Variants in ADORA2B observed in about 807,000 individuals in gnomAD.
ADORA2B encodes the protein adenosine A2b receptor.
In ADORA2B, 18 loss-of-function variants were observed where a neutral mutation model predicts 20.8. That is an observed-to-expected ratio of 0.87 (90% CI 0.60 to 1.29). The LOEUF (loss-of-function observed/expected upper bound fraction) is 1.29. Ranked by LOEUF, ADORA2B falls within the 50% of genes most tolerant of loss-of-function variation. ADORA2B has a pLI of 0.00. For missense variants in ADORA2B, 441 were observed against 422.7 expected (o/e 1.04, Z -0.38); for synonymous variants, 179 against 178.3 (o/e 1.00, Z -0.03).
chr17:15,975,344 C>A lies in ADORA2B; in HGVS notation c.*2C>A. On this transcript the variant is annotated 3_prime_UTR_variant, in exon 2 of 2. Transcript: ENST00000304222. ...CCTGCTCTCGGTGTGGGCCTATGAT[C>A]TAGGCTCTCGCCTCTTCCAGGAGAA... The A allele has an allele frequency of 6.2e-7, 1 of 1,607,538 alleles. No individual in the cohort carries two copies. Among genetic ancestry groups the A allele is most frequent in the Non-Finnish European group, 8.5e-7 (1 of 1,177,848 alleles).
the ADORA2B span, among the ~76,000 whole-genome samples, chr17:15,928,900 C>T: frequency 6.6e-6 from 1 of 151,760 alleles, no homozygotes; most frequent in African/African-American, 2.4e-5. Context: ...AAGCAGGGCT[C>T]GAGGGTGATG....
Position 15,955,950 on chromosome 17 carries a change from C to T in ADORA2B, c.335+10367C>T, listed in dbSNP as rs534443171. Among the ~76,000 whole-genome samples the T allele has an allele frequency of 2.2e-3, 333 of 152,196 alleles. 1 individual carries two copies. Among genetic ancestry groups the T allele is most frequent in the Non-Finnish European group, 4.0e-3 (271 of 68,016 alleles). On this transcript the variant is annotated intron_variant, in intron 1 of 1. Transcript: ENST00000304222. ...GGCCAGGCTGGTGTCGAACTCCTGA[C>T]CTCAAGCGATCTGCCTGCCTCGGCC... is the stretch of plus-strand genomic sequence containing the variant.
At chr17:15,943,907 G>A (rs1159415663), upstream of ADORA2B, among the ~76,000 whole-genome samples, 1 of 152,170 alleles carries the variant, frequency 6.6e-6, no homozygotes, top group Non-Finnish European at 1.5e-5. Context: ...AGGCTTTCGG[G>A]TGGTGAAATA....
At chr17:15,973,186 A>G (rs935002849) in intron 1 of ADORA2B, among the ~76,000 whole-genome samples, 5 of 152,068 alleles carry the variant, frequency 3.3e-5, no homozygotes, top group Admixed American at 1.3e-4. Context: ...AGCCAGAAAG[A>G]TCCTTGCCTG....
chr17:15,974,661 T>C lies in ADORA2B; in HGVS notation c.336-18T>C. 6.2e-7 allele frequency: 1 copy of C among 1,603,382 alleles called. No homozygotes were observed. On this transcript the variant is annotated intron_variant, in intron 1 of 1. Transcript: ENST00000304222. Reference sequence around the variant, plus strand: ...AGCGCTATAAACTGACCGTAACAGATGGTATTCTTTTAAACAGGTATAAAA... The same window carrying C: ...AGCGCTATAAACTGACCGTAACAGACGGTATTCTTTTAAACAGGTATAAAA...
chr17:15,938,230 G>T, the ADORA2B span, among the ~76,000 whole-genome samples: 3 of 152,068 alleles, frequency 2.0e-5, no homozygotes, highest in African/African-American at 7.2e-5. Flanking sequence ...GGAAGGAAAG[G>T]AAAGGAAGGA....
At chr17:15,957,381 G>A (rs1047276624) in intron 1 of ADORA2B, among the ~76,000 whole-genome samples, 1 of 152,192 alleles carries the variant, frequency 6.6e-6, no homozygotes, top group Admixed American at 6.5e-5. Flanking sequence ...CCATTGTGGA[G>A]CAGTAATGAG....
the ADORA2B span, among the ~76,000 whole-genome samples, chr17:15,912,605 A>G: frequency 2.0e-5 from 3 of 152,222 alleles, no homozygotes; most frequent in African/African-American, 4.8e-5. Context: ...TGACAAGAGA[A>G]GCTGTGTCCA....
intron 1 of ADORA2B, chr17:15,974,281 T>C (rs1052916568): frequency 5.8e-6 from 1 of 171,128 alleles, no homozygotes; most frequent in Non-Finnish European, 1.3e-5. Flanking sequence ...ATTTAAAATA[T>C]GTAAGGAGGC....
the ADORA2B span, among the ~76,000 whole-genome samples, chr17:15,890,135 A>C: frequency 3.1e-5 from 4 of 129,602 alleles, 1 homozygote; most frequent in Admixed American, 3.1e-4. Flanking sequence ...CCATCAACCG[A>C]TATAAGACTA....
intron 1 of ADORA2B, among the ~76,000 whole-genome samples, chr17:15,958,004 G>A (rs1313367942): frequency 1.3e-5 from 2 of 150,318 alleles, no homozygotes; most frequent in Admixed American, 1.3e-4. Flanking sequence ...ACCAGGACCT[G>A]TCAGGTACAC....
the ADORA2B span, among the ~76,000 whole-genome samples, chr17:15,909,468 G>A: frequency 1.3e-5 from 2 of 152,198 alleles, no homozygotes; most frequent in Non-Finnish European, 2.9e-5. Flanking sequence ...GGGAGGCCCT[G>A]GCTGCTTTGC....
At chr17:15,868,095 CAT>C in the ADORA2B span, among the ~76,000 whole-genome samples, 2 of 145,140 alleles carry the variant, frequency 1.4e-5, no homozygotes, top group Admixed American at 1.4e-4. Context: ...CTCTCTGAAA[CAT>C]GTGCTGTGTC....
chr17:15,945,159 C>T lies in ADORA2B; in HGVS notation c.-90C>T, dbSNP rs2151590172. The T allele has an allele frequency of 8.7e-7, 1 of 1,151,390 alleles. No homozygotes were observed. The highest frequency in any genetic ancestry group is 1.1e-6 in the Non-Finnish European group (1 of 889,208). 71.3% of individuals were successfully genotyped at this position (1,151,390 alleles called of 1,614,324 possible). On this transcript the variant is annotated 5_prime_UTR_variant, in exon 1 of 2. Coordinates refer to ENST00000304222, the MANE Select transcript of ADORA2B (RefSeq NM_000676.4). ...GCGGCAGGCGGAGGCGCGGTCCGGGCGCTATGGCCATGCCCGGCGGGTCTC... is the reference window on the plus strand; with the variant it reads ...GCGGCAGGCGGAGGCGCGGTCCGGGTGCTATGGCCATGCCCGGCGGGTCTC...
At chr17:15,871,570 A>T in the ADORA2B span, among the ~76,000 whole-genome samples, 2 of 152,188 alleles carry the variant, frequency 1.3e-5, no homozygotes, top group African/African-American at 2.4e-5. Context: ...CGGTTCTGAA[A>T]CTGTTTGTGC....
chr17:15,966,914 C>T (rs1413210535), intron 1 of ADORA2B, among the ~76,000 whole-genome samples: 1 of 152,252 alleles, frequency 6.6e-6, no homozygotes, highest in Non-Finnish European at 1.5e-5. Flanking sequence ...TCAGTGACCT[C>T]TGCAGCAGAG....
chr17:15,966,956 A>G (rs1026385550), intron 1 of ADORA2B, among the ~76,000 whole-genome samples: 2 of 152,186 alleles, frequency 1.3e-5, no homozygotes, highest in African/African-American at 4.8e-5. Context: ...GAACGGAAGG[A>G]CGGAAGGACG....
chr17:15,937,176 C>T, the ADORA2B span, among the ~76,000 whole-genome samples: 1 of 152,180 alleles, frequency 6.6e-6, no homozygotes, highest in Non-Finnish European at 1.5e-5. Context: ...TGGATCCTGC[C>T]ACCCCAGGGT....
At chr17:15,873,071 C>T in the ADORA2B span, among the ~76,000 whole-genome samples, 1 of 152,234 alleles carries the variant, frequency 6.6e-6, no homozygotes, top group African/African-American at 2.4e-5. Context: ...TATTTTGAGG[C>T]AAGTTCTTTT....
Sources: gnomAD v4.1 joint callset for allele counts (sites outside exome capture counted in the v4.1 genomes callset) on GRCh38, gnomAD v4.1.1 for gene constraint, MANE v1.5 for transcripts, NCBI Gene and HGNC (gene_info 2026-07-23, HGNC 2026-07-21) for gene names.